Variants in PAPPA2 observed in about 807,000 individuals in gnomAD.
The protein encoded by PAPPA2 is pappalysin 2.
PAPPA2 carries 86 observed loss-of-function variants against 176.4 expected under a neutral mutation model. The observed-to-expected ratio is 0.49, with a 90% CI of 0.41 to 0.58. PAPPA2 has a LOEUF of 0.58. Among genes scored for constraint, PAPPA2 ranks in the 20% least tolerant of loss-of-function variants. The pLI is 0.00. For synonymous variants in PAPPA2, 809 were observed against 852.2 expected, an observed-to-expected ratio of 0.95 and a Z score of 0.88; for missense variants, 2,073 against 2,256.9, an observed-to-expected ratio of 0.92 and a Z score of 1.65.
intron 12 of PAPPA2, among the ~76,000 whole-genome samples, chr1:176,730,630 C>G (rs1351069571): frequency 6.7e-6 from 1 of 148,910 alleles, no homozygotes; most frequent in Non-Finnish European, 1.5e-5. Context: ...GATTTCTACT[C>G]TTATCTTCAT....
chr1:176,508,964 T>C (rs11808350), intron 1 of PAPPA2, among the ~76,000 whole-genome samples: 12,021 of 152,112 alleles, frequency 0.079, 586 homozygotes, highest in South Asian at 0.15. Flanking sequence ...TAGTTCTTTA[T>C]AGCAGTGTGA....
At chr1:176,696,132 A>C (rs2102814231) in intron 7 of PAPPA2, among the ~76,000 whole-genome samples, 1 of 152,122 alleles carries the variant, frequency 6.6e-6, no homozygotes, top group South Asian at 2.1e-4. Flanking sequence ...AGGATGGAGA[A>C]GTCAGCTGAA....
chr1:176,466,451 T>G (rs1433038478), intron 1 of PAPPA2, among the ~76,000 whole-genome samples: 6 of 152,198 alleles, frequency 3.9e-5, no homozygotes, highest in Admixed American at 1.3e-4. Flanking sequence ...CAGGCCTCCC[T>G]GGGTCAAGTA....
intron 1 of PAPPA2, among the ~76,000 whole-genome samples, chr1:176,497,642 G>A (rs1407065538): frequency 6.6e-6 from 1 of 152,112 alleles, no homozygotes; most frequent in Non-Finnish European, 1.5e-5. Flanking sequence ...GAAAAGTATG[G>A]TCTTGAAATA....
intron 1 of PAPPA2, among the ~76,000 whole-genome samples, chr1:176,495,300 G>C (rs1647541724): frequency 6.6e-6 from 1 of 152,080 alleles, no homozygotes; most frequent in African/African-American, 2.4e-5. Flanking sequence ...CAGCACTTTG[G>C]GAGGCCGAGG....
In PAPPA2 at chr1:176,674,764, G is replaced by C. The variant is rs531361506; in HGVS notation, c.2137+3649G>C. Among the ~76,000 whole-genome samples the C allele has an allele frequency of 2.8e-5, 4 of 143,970 alleles. No individual in the cohort carries two copies. In the Admixed American group the frequency reaches 2.8e-4, roughly 10 times the overall value. The allele number at this position is 143,970 out of a possible 152,430, so 94.4% of individuals were successfully genotyped here. A position where few individuals can be genotyped will look rare whatever the true frequency, so the allele number is the denominator to read the frequency against. On this transcript the variant is annotated intron_variant, in intron 4 of 22. Coordinates refer to ENST00000367662, the MANE Select transcript of PAPPA2 (RefSeq NM_020318.3). Reference sequence around the variant, plus strand: ...TTTTTTTTTTTCTTTTCTCCATATAGTGACTTCTTTTCCTTTGGGTAGATA... The same window carrying C: ...TTTTTTTTTTTCTTTTCTCCATATACTGACTTCTTTTCCTTTGGGTAGATA...
chr1:176,827,365 A>G (rs549391608), intron 21 of PAPPA2, among the ~76,000 whole-genome samples: 4 of 152,356 alleles, frequency 2.6e-5, no homozygotes, highest in African/African-American at 9.6e-5. Flanking sequence ...CCAAACTTGC[A>G]TCATTAATAT....
chr1:176,714,917 G>T (rs1443406675), intron 12 of PAPPA2, among the ~76,000 whole-genome samples: 1 of 152,090 alleles, frequency 6.6e-6, no homozygotes, highest in Non-Finnish European at 1.5e-5. Context: ...ATAGCGTCAG[G>T]GAATCATCTT....
intron 21 of PAPPA2, among the ~76,000 whole-genome samples, chr1:176,832,881 T>G (rs1667130412): frequency 6.6e-6 from 1 of 152,248 alleles, no homozygotes; most frequent in Non-Finnish European, 1.5e-5. Flanking sequence ...TGCTTTGGTC[T>G]TGGTGTCAAA....
At chr1:176,667,822 A>G (rs958262818) in intron 3 of PAPPA2, among the ~76,000 whole-genome samples, 2 of 152,154 alleles carry the variant, frequency 1.3e-5, no homozygotes, top group African/African-American at 2.4e-5. Flanking sequence ...AATAATTCCT[A>G]TCAATCTACA....
chr1:176,645,640 T>C (rs1484578897), intron 3 of PAPPA2, among the ~76,000 whole-genome samples: 2 of 151,840 alleles, frequency 1.3e-5, no homozygotes, highest in Admixed American at 1.3e-4. Flanking sequence ...ATGGTAGTTC[T>C]AGTTTTATCT....
intron 3 of PAPPA2, among the ~76,000 whole-genome samples, chr1:176,615,751 GA>G (rs1333426020): frequency 6.6e-6 from 1 of 152,202 alleles, no homozygotes; most frequent in African/African-American, 2.4e-5. Context: ...GAATGTGGGA[GA>G]CGTAAACATA....
chr1:176,477,108 G>A (rs1402362581), intron 1 of PAPPA2, among the ~76,000 whole-genome samples: 3 of 152,172 alleles, frequency 2.0e-5, no homozygotes, highest in Non-Finnish European at 4.4e-5. Flanking sequence ...CTCTCAGGAA[G>A]AGAAATCAGT....
chr1:176,839,648 G>A (rs1340427158), intron 21 of PAPPA2, among the ~76,000 whole-genome samples: 1 of 152,154 alleles, frequency 6.6e-6, no homozygotes, highest in East Asian at 1.9e-4. Context: ...CAGGAGAGGG[G>A]TGGAGGTTAA....
At chr1:176,826,429 C>T (rs182518935) in intron 21 of PAPPA2, among the ~76,000 whole-genome samples, 2 of 152,256 alleles carry the variant, frequency 1.3e-5, no homozygotes, top group African/African-American at 2.4e-5. Flanking sequence ...CACAGACAAG[C>T]ATCCTGGAGA....
At chr1:176,836,896 C>T (rs544191798) in intron 21 of PAPPA2, 5 of 152,234 alleles carry the variant, frequency 3.3e-5, no homozygotes, top group African/African-American at 1.2e-4. Context: ...CTTTGTGACC[C>T]CATAACAATG....
intron 20 of PAPPA2, among the ~76,000 whole-genome samples, chr1:176,799,330 A>G (rs902352011): frequency 8.5e-5 from 13 of 152,308 alleles, no homozygotes; most frequent in Middle Eastern, 3.4e-3. Context: ...GTAGATGACT[A>G]TTTGTTTAAA....
Position 176,727,042 on chromosome 1 carries a change from G to GT in PAPPA2, c.3799-12583dup, listed in dbSNP as rs539816094. On this transcript the variant is annotated intron_variant, in intron 12 of 22. Transcript: ENST00000367662. The stretch of plus-strand genomic sequence containing the variant: ...TTGCAATAAGCTAGAGATGCATATT[G>GT]TAATCTCTAGAATAAAAATACACAT... Among the ~76,000 whole-genome samples the GT allele has an allele frequency of 1.1e-4, 17 of 152,202 alleles. No homozygotes were observed. In the East Asian group the frequency reaches 2.9e-3, roughly 26 times the overall value.
intron 1 of PAPPA2, among the ~76,000 whole-genome samples, chr1:176,470,673 A>G (rs1023812861): frequency 6.6e-6 from 1 of 152,236 alleles, no homozygotes. Context: ...ATTCAGAGAA[A>G]TACTCAACTC....
Sources: allele counts gnomAD v4.1 joint callset (sites outside exome capture counted in the v4.1 genomes callset), GRCh38; gene constraint gnomAD v4.1.1; transcripts MANE v1.5; gene names NCBI Gene and HGNC (gene_info 2026-07-23, HGNC 2026-07-21).